The following LRCH3 variants were observed in gnomAD, a reference collection of about 807,000 sequenced individuals.
The protein encoded by LRCH3 is leucine rich repeats and calponin homology domain containing 3.
Under a neutral mutation model 104.5 loss-of-function variants are expected in LRCH3, and 68 were observed. That is an observed-to-expected ratio of 0.65 (90% CI 0.54 to 0.80). LRCH3 has a LOEUF of 0.80. LRCH3 is among the 30% of genes least tolerant of loss of function. The pLI, the probability that LRCH3 is intolerant of heterozygous loss-of-function variation, is 0.00. For synonymous variants in LRCH3, 344 were observed against 361.3 expected, an observed-to-expected ratio of 0.95 and a Z score of 0.54; for missense variants, 951 against 953.9, an observed-to-expected ratio of 1.00 and a Z score of 0.04.
Position 197,791,303 on chromosome 3 carries a change from G to A in LRCH3, c.25G>A (p.Val9Met). The A allele has an allele frequency of 1.9e-6, 3 of 1,608,852 alleles. No homozygotes were observed. The highest frequency in any genetic ancestry group is 2.5e-6 in the Non-Finnish European group (3 of 1,178,742). MAAAGLVA[V>M]AAAAEYSGTV... ...AATGGCGGCCGCGGGCTTGGTCGCT[G>A]TGGCAGCGGCTGCCGAGTACTCTGG... The change falls in exon 1 of 21, where the codon GTG (valine) becomes ATG (methionine). Residue 9 changes from valine to methionine, a missense_variant. Val to Met is a conservative substitution (Grantham distance 21, BLOSUM62 1). Transcript: ENST00000425562.
chr3:197,824,074 T>C (rs1734808202), intron 4 of LRCH3, among the ~76,000 whole-genome samples: 1 of 151,984 alleles, frequency 6.6e-6, no homozygotes, highest in South Asian at 2.1e-4. Flanking sequence ...TTTTTTTCTT[T>C]TTTTTTTTGA....
At chr3:197,848,084 G>A (rs1739020622) in intron 12 of LRCH3, 63 bp downstream of exon 12, 2 of 1,562,976 alleles carry the variant, frequency 1.3e-6, no homozygotes, top group South Asian at 1.2e-5. Flanking sequence ...TGTTTGGTCA[G>A]GCCCGTTGGT....
chr3:197,791,645 G>A (rs1730524900), intron 1 of LRCH3, 105 bp downstream of exon 1: 2 of 1,321,512 alleles, frequency 1.5e-6, no homozygotes, highest in African/African-American at 1.6e-5. Flanking sequence ...CGTCCCGTAG[G>A]CGCCGGGTCC....
Position 197,865,420 on chromosome 3 carries a change from CAG to C in LRCH3, c.1717_1718del, listed in dbSNP as rs771868241. The C allele has an allele frequency of 5.1e-6, 8 of 1,563,464 alleles. No individual in the cohort carries two copies. The highest frequency in any genetic ancestry group is 4.1e-5 in the African/African-American group (3 of 72,372). The stretch of plus-strand genomic sequence containing the variant: ...TTATTGATATATGTCTGTTTCTCCA[CAG>C]AGTGATGACAGACCTAATGCTCTAT... On this transcript the variant is annotated splice_acceptor_variant, in intron 15 of 20. Coordinates refer to ENST00000425562, the MANE Select transcript of LRCH3 (RefSeq NM_001365715.1). LOFTEE classifies it high-confidence loss of function.
At chr3:197,801,126 A>G (rs1431927424) in intron 1 of LRCH3, among the ~76,000 whole-genome samples, 3 of 151,556 alleles carry the variant, frequency 2.0e-5, no homozygotes, top group Non-Finnish European at 2.9e-5. Flanking sequence ...GATGAGCTAT[A>G]ACTATATGCA....
intron 1 of LRCH3, among the ~76,000 whole-genome samples, chr3:197,796,832 T>G (rs1731258310): frequency 6.6e-6 from 1 of 152,224 alleles, no homozygotes; most frequent in East Asian, 1.9e-4. Flanking sequence ...CAAGTTGGTT[T>G]CCTGTAATTT....
intron 10 of LRCH3, among the ~76,000 whole-genome samples, chr3:197,844,975 G>A (rs1738425486): frequency 2.0e-5 from 3 of 152,164 alleles, no homozygotes; most frequent in East Asian, 1.9e-4. Context: ...TGGATTTGGG[G>A]ATGTCAAGAT....
chr3:197,818,130 T>G (rs1039000540), intron 3 of LRCH3, among the ~76,000 whole-genome samples: 2 of 152,098 alleles, frequency 1.3e-5, no homozygotes, highest in African/African-American at 2.4e-5. Context: ...CCTGTTGCCC[T>G]GTATTTTCTA....
intron 1 of LRCH3, among the ~76,000 whole-genome samples, chr3:197,806,627 C>A (rs945065908): frequency 3.3e-5 from 5 of 151,628 alleles, no homozygotes; most frequent in Non-Finnish European, 7.4e-5. Flanking sequence ...TCCTGTAATC[C>A]CAGCACTTTG....
chr3:197,833,187 A>C (rs1336891448), intron 8 of LRCH3, among the ~76,000 whole-genome samples: 2 of 152,038 alleles, frequency 1.3e-5, no homozygotes, highest in Non-Finnish European at 2.9e-5. Flanking sequence ...CCGGTATGAT[A>C]GCCACTAGCC....
At chr3:197,871,485 C>T (rs1306597655) in intron 19 of LRCH3, 23 bp downstream of exon 19, 3 of 1,609,272 alleles carry the variant, frequency 1.9e-6, no homozygotes, top group South Asian at 2.2e-5. Flanking sequence ...TCCTAAAAAG[C>T]CTTGGCTATT....
rs184457914 is a variant in LRCH3, at chr3:197,841,307, G to A, written c.1328+1910G>A. 4.3e-3 allele frequency among the ~76,000 whole-genome samples: 647 copies of A among 152,232 alleles called. 2 individuals are homozygous for A. Among genetic ancestry groups the A allele is most frequent in the Non-Finnish European group, 6.6e-3 (447 of 68,030 alleles). Reference sequence around the variant, plus strand: ...CCATTATTTTCCTGGCTGCCAGCTGGTGGCCATTCTTGGTGTTTAGAGCCC... The same window carrying A: ...CCATTATTTTCCTGGCTGCCAGCTGATGGCCATTCTTGGTGTTTAGAGCCC... On this transcript the variant is annotated intron_variant, in intron 10 of 20. Coordinates refer to ENST00000425562, the MANE Select transcript of LRCH3 (RefSeq NM_001365715.1).
chr3:197,864,727 C>T (rs74707841), intron 15 of LRCH3, among the ~76,000 whole-genome samples: 21,314 of 101,228 alleles, frequency 0.21, 2,006 homozygotes, highest in African/African-American at 0.35. Context: ...TTTTTTTTTT[C>T]CAAAGGGGGT....
chr3:197,833,364 C>A (rs1367001919), intron 8 of LRCH3, among the ~76,000 whole-genome samples: 7 of 3,598 alleles, frequency 1.9e-3, no homozygotes, highest in Non-Finnish European at 3.2e-3. Flanking sequence ...TACTAAAAAC[C>A]GAAAAAAAAA....
At chr3:197,804,152 A>G (rs997297243) in intron 1 of LRCH3, among the ~76,000 whole-genome samples, 1 of 152,066 alleles carries the variant, frequency 6.6e-6, no homozygotes, top group African/African-American at 2.4e-5. Context: ...AGTTCTAGGT[A>G]CTAGGGAGGC....
At chr3:197,804,495 A>G (rs1377803749) in intron 1 of LRCH3, among the ~76,000 whole-genome samples, 2 of 152,200 alleles carry the variant, frequency 1.3e-5, no homozygotes, top group Non-Finnish European at 2.9e-5. Flanking sequence ...TATGGTAAGG[A>G]TCCAGAGTGC....
chr3:197,856,832 T>G lies in LRCH3; in HGVS notation c.1645-2002T>G, dbSNP rs1218340675. ...GGATATATTAGGTGCTCAGTAAATA[T>G]TTCCTGAATGAACATATAAATTCTG... is the stretch of plus-strand genomic sequence containing the variant. On this transcript the variant is annotated intron_variant, in intron 14 of 20. Coordinates refer to ENST00000425562, the MANE Select transcript of LRCH3 (RefSeq NM_001365715.1). The surrounding 1 kb of genome is among the most constrained non-coding windows in gnomAD (Gnocchi z 4.2). 6.6e-6 allele frequency among the ~76,000 whole-genome samples: 1 copy of G among 152,254 alleles called. No homozygotes were observed.
intron 19 of LRCH3, among the ~76,000 whole-genome samples, chr3:197,872,369 A>G (rs1454675130): frequency 6.6e-6 from 1 of 150,580 alleles, no homozygotes; most frequent in Non-Finnish European, 1.5e-5. Flanking sequence ...AGAAAAAAAA[A>G]AAAAAAAAAA....
intron 1 of LRCH3, among the ~76,000 whole-genome samples, chr3:197,800,333 CAAGT>C (rs1484279571): frequency 6.6e-6 from 1 of 152,090 alleles, no homozygotes; most frequent in Non-Finnish European, 1.5e-5. Context: ...TGTCTATACA[CAAGT>C]AAGAAAAAGA....
Sources: allele counts gnomAD v4.1 joint callset (sites outside exome capture counted in the v4.1 genomes callset), GRCh38; gene constraint gnomAD v4.1.1; non-coding constraint Gnocchi (gnomAD v3.1); transcripts MANE v1.5; gene names NCBI Gene and HGNC (gene_info 2026-07-23, HGNC 2026-07-21).